Variants in ACSM3 observed in about 807,000 individuals in gnomAD.
ACSM3 encodes the protein acyl-CoA synthetase medium chain family member 3, also known as acyl-coenzyme A synthetase ACSM3, mitochondrial.
A neutral mutation model predicts 74.1 loss-of-function variants in ACSM3; 61 were observed. The ratio of observed to expected loss-of-function variants is 0.82; its 90% CI spans 0.67 to 1.02. ACSM3 has a LOEUF of 1.02. ACSM3 is among the 50% of genes least tolerant of loss of function. The pLI is 0.00. For missense variants in ACSM3, 660 were observed against 697.0 expected (o/e 0.95, Z 0.60); for synonymous variants, 213 against 241.5 (o/e 0.88, Z 1.09).
At chr16:20,787,604 A>G (rs1012826) in intron 9 of ACSM3, among the ~76,000 whole-genome samples, 94,472 of 152,092 alleles carry the variant, frequency 0.62, 30,457 homozygotes, top group Non-Finnish European at 0.72. Flanking sequence ...TTAGGATCAA[A>G]TAAGTTTGAG....
Position 20,693,997 on chromosome 16 carries a change from T to C in ACSM3, c.-190+19175T>C, listed in dbSNP as rs1365658889. Among the ~76,000 whole-genome samples, 7 of 152,392 alleles carry C rather than the reference T, an allele frequency of 4.6e-5. No homozygotes were observed. In the East Asian group the frequency reaches 1.3e-3, roughly 29 times the overall value. On this transcript the variant is annotated intron_variant, in intron 1 of 3. Transcript: ENST00000561584. ...GTAATAAAGAAATCAATGTACTTTA[T>C]GTTCTTAGCTCCCACAATTTAGCCT...
At chr16:20,779,924 C>A in intron 4 of ACSM3, 1 of 177,040 alleles carries the variant, frequency 5.6e-6, no homozygotes, top group Non-Finnish European at 1.2e-5. Context: ...GCCACTGTGC[C>A]TGGCTAATTT....
intron 1 of ACSM3, chr16:20,737,276 G>A (rs2079878968): frequency 6.2e-7 from 1 of 1,611,504 alleles, no homozygotes. Flanking sequence ...AATTGAGGGT[G>A]CACACTATTC....
At chr16:20,766,707 A>G (rs916504757) in intron 1 of ACSM3, 8 of 152,184 alleles carry the variant, frequency 5.3e-5, no homozygotes, top group African/African-American at 1.7e-4. Context: ...TCTGGGTGAC[A>G]GAGTGAGATC....
chr16:20,780,980 G>A lies in ACSM3; in HGVS notation c.789G>A (p.Trp263Ter), dbSNP rs2080340244. ...CTACTCTTTGTTTTCCCAGGTTCTG[G>A]CTAGATTTGACACCCTCAGATGTGA... ...GLGLSVNGRF[W>*]LDLTPSDVMW... The change falls in exon 6 of 14, where the codon TGG becomes TGA. Residue 263 changes from tryptophan to a stop codon, truncating the protein, a stop_gained. Coordinates refer to ENST00000289416, the MANE Select transcript of ACSM3 (RefSeq NM_005622.4). LOFTEE classifies it high-confidence loss of function. The A allele has an allele frequency of 6.2e-7, 1 of 1,613,900 alleles. No homozygotes were observed. Among genetic ancestry groups the A allele is most frequent in the Admixed American group, 1.7e-5 (1 of 59,968 alleles).
At chr16:20,796,078 T>C in intron 12 of ACSM3, 1 of 298,212 alleles carries the variant, frequency 3.4e-6, no homozygotes, top group Non-Finnish European at 6.2e-6. Flanking sequence ...TGTGAACTGT[T>C]CCCTTCAACA....
At chr16:20,725,793 A>AAAACC (rs1474666289) in intron 1 of ACSM3, among the ~76,000 whole-genome samples, 1 of 152,120 alleles carries the variant, frequency 6.6e-6, no homozygotes, top group Non-Finnish European at 1.5e-5. Context: ...CCAACATGGC[A>AAAACC]AAACCCTGTC....
intron 4 of ACSM3, chr16:20,779,953 CAG>C (rs1440932033): frequency 6.0e-6 from 1 of 166,460 alleles, no homozygotes; most frequent in Non-Finnish European, 1.3e-5. Flanking sequence ...TCAGTAGAGA[CAG>C]AGTTTCGCCA....
chr16:20,769,237 T>C (rs147553851), intron 1 of ACSM3, among the ~76,000 whole-genome samples: 2 of 152,322 alleles, frequency 1.3e-5, no homozygotes, highest in Middle Eastern at 3.4e-3. Context: ...TCCCTAGAAC[T>C]GTATTTTTAA....
At chr16:20,746,157 A>G (rs2079956777) in intron 1 of ACSM3, among the ~76,000 whole-genome samples, 1 of 151,702 alleles carries the variant, frequency 6.6e-6, no homozygotes, top group African/African-American at 2.4e-5. Context: ...AATAATACTC[A>G]CATCATGGGT....
rs1006359907 is a variant in ACSM3 at position 20,715,553 on chromosome 16, G to A, written c.-189-34357G>A. ...TGGGATGTGGAGGTTGCAGTGAACC[G>A]AGATTACACCACTGCACTCCAGCCT... On this transcript the variant is annotated intron_variant, in intron 1 of 3. Transcript: ENST00000561584. Among the ~76,000 whole-genome samples the A allele has an allele frequency of 6.6e-5, 10 of 152,088 alleles. No homozygotes were observed. The South Asian group carries it at 1.5e-3, about 22-fold the overall frequency.
At chr16:20,736,750 C>T in intron 1 of ACSM3, 1 of 895,572 alleles carries the variant, frequency 1.1e-6, no homozygotes. Context: ...AATCATTGCT[C>T]ACTACTGTGA....
At chr16:20,792,495 A>G in intron 12 of ACSM3, 160 bp downstream of exon 12, 1 of 981,764 alleles carries the variant, frequency 1.0e-6, no homozygotes, top group Non-Finnish European at 1.2e-6. Context: ...ACAAAATAAG[A>G]TTGAATTATG....
chr16:20,773,849 A>G lies in ACSM3; in HGVS notation c.220-1990A>G, dbSNP rs75628264. 6.6e-3 allele frequency among the ~76,000 whole-genome samples: 1,010 copies of G among 152,308 alleles called. 18 individuals carry two copies. Among genetic ancestry groups the G allele is most frequent in the African/African-American group, 0.023 (950 of 41,552 alleles). ...TGTGTATTCTGTAGCTGTTGGATAA[A>G]ATGTTGTGTAAATATCTGCGAGGTC... On this transcript the variant is annotated intron_variant, in intron 2 of 13. Transcript: ENST00000289416.
At chr16:20,773,896 T>A (rs2080223345) in intron 2 of ACSM3, among the ~76,000 whole-genome samples, 1 of 152,242 alleles carries the variant, frequency 6.6e-6, no homozygotes, top group South Asian at 2.1e-4. Context: ...AAGTGCAGTA[T>A]AAATCCAATG....
At chr16:20,785,226 G>A in intron 8 of ACSM3, 119 bp downstream of exon 8, 1 of 1,386,918 alleles carries the variant, frequency 7.2e-7, no homozygotes, top group Non-Finnish European at 9.8e-7. Context: ...GTTAGAAAAT[G>A]TTTAAAAAAA....
At chr16:20,770,570 G>A (rs2080180890) in intron 2 of ACSM3, among the ~76,000 whole-genome samples, 1 of 151,926 alleles carries the variant, frequency 6.6e-6, no homozygotes, top group African/African-American at 2.4e-5. Context: ...AATTCCAAGA[G>A]TCAGAAATGG....
intron 1 of ACSM3, among the ~76,000 whole-genome samples, chr16:20,715,899 C>G (rs906003437): frequency 6.6e-5 from 10 of 152,218 alleles, no homozygotes; most frequent in African/African-American, 2.2e-4. Flanking sequence ...GGTTTCTGCT[C>G]CACATCAGCC....
rs916609954 is a variant in ACSM3 at position 20,685,829 on chromosome 16, A to C, written c.-190+11007A>C. 1.1e-4 allele frequency among the ~76,000 whole-genome samples: 10 copies of C among 92,704 alleles called. 1 individual carries two copies. Among genetic ancestry groups the C allele is most frequent in the East Asian group, 3.1e-4 (1 of 3,194 alleles). The allele number at this position is 92,704 out of a possible 152,430, so 60.8% of individuals were successfully genotyped here. ...AGTGAGACTCCGTCTCAAAAAAAAA[A>C]AACAAACAAAAAAAAAACAAAAAAC... is the stretch of plus-strand genomic sequence containing the variant. On this transcript the variant is annotated intron_variant, in intron 1 of 3. Coordinates refer to the ACSM3 transcript ENST00000561584.
Sources: allele counts gnomAD v4.1 joint callset (sites outside exome capture counted in the v4.1 genomes callset), GRCh38; gene constraint gnomAD v4.1.1; transcripts MANE v1.5; gene names NCBI Gene and HGNC (gene_info 2026-07-23, HGNC 2026-07-21).